The following STK3 variants were observed in gnomAD, a reference collection of about 807,000 sequenced individuals.
STK3 encodes serine/threonine kinase 3.
In STK3, 41 loss-of-function variants were observed where a neutral mutation model predicts 58.0. That is an observed-to-expected ratio of 0.71 (90% CI 0.55 to 0.92). The LOEUF (loss-of-function observed/expected upper bound fraction) is 0.92. Among genes scored for constraint, STK3 ranks in the 40% least tolerant of loss-of-function variants. STK3 has a pLI of 0.00. For synonymous variants in STK3, 170 were observed against 191.0 expected, an observed-to-expected ratio of 0.89 and a Z score of 0.91; for missense variants, 479 against 602.7, an observed-to-expected ratio of 0.79 and a Z score of 2.15.
chr8:98,936,855 G>A (rs1386614171), intron 1 of STK3, among the ~76,000 whole-genome samples: 1 of 152,236 alleles, frequency 6.6e-6, no homozygotes, highest in African/African-American at 2.4e-5. Context: ...ATTCCTGGAG[G>A]CAAGCCCACT....
rs758959006 is a variant in STK3, at chr8:98,691,553, T to C, written c.684+14914A>G. ...AGACAATAAACAGGCAGTAAAAAGT[T>C]AAAGGAGTAGGACACCTTCACCAGC... On this transcript the variant is annotated intron_variant, in intron 6 of 10. Transcript: ENST00000419617. 1.8e-4 allele frequency among the ~76,000 whole-genome samples: 28 copies of C among 152,166 alleles called. 1 individual carries two copies. The highest frequency in any genetic ancestry group is 3.2e-4 in the Non-Finnish European group (22 of 68,014).
downstream of STK3, among the ~76,000 whole-genome samples, chr8:98,397,527 C>A (rs933177379): frequency 6.6e-6 from 1 of 151,944 alleles, no homozygotes; most frequent in African/African-American, 2.4e-5. Flanking sequence ...CAGAGTGAGA[C>A]CTTGTCTCAA....
intron 4 of STK3, among the ~76,000 whole-genome samples, chr8:98,711,083 C>G (rs2131102737): frequency 6.6e-6 from 1 of 151,042 alleles, no homozygotes; most frequent in South Asian, 2.1e-4. Flanking sequence ...AGGGTCCTGA[C>G]AGAAGGAAAA....
At chr8:98,370,882 C>T (rs957799162), downstream of STK3, among the ~76,000 whole-genome samples, 1 of 152,156 alleles carries the variant, frequency 6.6e-6, no homozygotes, top group African/African-American at 2.4e-5. Context: ...GTCTCAGTTT[C>T]CTCACCTGAA....
chr8:98,929,493 C>A (rs1839931763), intron 1 of STK3, among the ~76,000 whole-genome samples: 1 of 152,036 alleles, frequency 6.6e-6, no homozygotes. Context: ...CCCATCTCTG[C>A]AAAAAAATTA....
intron 1 of STK3, among the ~76,000 whole-genome samples, chr8:98,448,895 A>G (rs1474473350): frequency 6.6e-6 from 1 of 152,156 alleles, no homozygotes; most frequent in East Asian, 1.9e-4. Flanking sequence ...TATAGAAAAC[A>G]TTAAGTAACT....
chr8:98,402,239 C>T (rs1197449952), intron 3 of STK3, among the ~76,000 whole-genome samples: 1 of 152,148 alleles, frequency 6.6e-6, no homozygotes. Context: ...TGAACCCAGA[C>T]CCACCCAGCC....
At chr8:98,690,463 A>C (rs894723968) in intron 6 of STK3, among the ~76,000 whole-genome samples, 5 of 151,788 alleles carry the variant, frequency 3.3e-5, no homozygotes, top group African/African-American at 7.3e-5. Context: ...AAAAAAAAAA[A>C]AACAACCTAG....
intron 1 of STK3, among the ~76,000 whole-genome samples, chr8:98,918,832 C>A (rs1224145340): frequency 6.6e-6 from 1 of 151,894 alleles, no homozygotes; most frequent in Non-Finnish European, 1.5e-5. Context: ...TAAGGTGTTA[C>A]TCTCCAATGT....
chr8:98,436,589 G>A (rs1410529959), intron 2 of STK3: 1 of 152,182 alleles, frequency 6.6e-6, no homozygotes, highest in Non-Finnish European at 1.5e-5. Flanking sequence ...CTGAGTAATT[G>A]CCAAGTACCA....
intron 3 of STK3, among the ~76,000 whole-genome samples, chr8:98,755,193 A>G (rs1240588980): frequency 5.3e-5 from 8 of 152,262 alleles, no homozygotes; most frequent in Non-Finnish European, 1.0e-4. Flanking sequence ...TTAAGCAACT[A>G]GAACTAAACA....
chr8:98,913,955 TATG>T (rs984360303), intron 1 of STK3, among the ~76,000 whole-genome samples: 1 of 152,194 alleles, frequency 6.6e-6, no homozygotes, highest in Non-Finnish European at 1.5e-5. Flanking sequence ...TTTAAGATTC[TATG>T]ATACTTTAGT....
At chr8:98,850,455 A>G (rs150150653) in intron 3 of STK3, among the ~76,000 whole-genome samples, 8 of 152,328 alleles carry the variant, frequency 5.3e-5, no homozygotes, top group Non-Finnish European at 1.0e-4. Flanking sequence ...AAATTACAAT[A>G]AGATGATATG....
chr8:98,705,138 A>G (rs1825876266), intron 6 of STK3, among the ~76,000 whole-genome samples: 1 of 152,216 alleles, frequency 6.6e-6, no homozygotes, highest in South Asian at 2.1e-4. Flanking sequence ...CATTACTCAA[A>G]GAACTCTAGG....
rs559387267 is a variant in STK3 at position 98,493,654 on chromosome 8, G to A, written c.1317+33088C>T. On this transcript the variant is annotated intron_variant, in intron 10 of 10. Coordinates refer to ENST00000419617, the MANE Select transcript of STK3 (RefSeq NM_006281.4). ...TCTAATATTATTCTCCCTCTATACTGATGACTTGAACTATACCAATTAAAA... is the reference window on the plus strand; with the variant it reads ...TCTAATATTATTCTCCCTCTATACTAATGACTTGAACTATACCAATTAAAA... Among the ~76,000 whole-genome samples, 59 of 152,148 alleles carry A rather than the reference G, an allele frequency of 3.9e-4. 1 individual carries two copies. The highest frequency in any genetic ancestry group is 1.4e-3 in the African/African-American group (59 of 41,496).
rs536862659 is a variant in STK3 at position 98,877,897 on chromosome 8, A to G, written c.110+5750T>C. Among the ~76,000 whole-genome samples, 122 of 152,310 alleles carry G rather than the reference A, an allele frequency of 8.0e-4. 2 individuals are homozygous for G. In the South Asian group the frequency reaches 0.012, roughly 15 times the overall value. ...TTTAAGACAATAATAAAATAAAAGAATTATAGAGATTGAGGAAACCTAAAA... is the reference window on the plus strand; with the variant it reads ...TTTAAGACAATAATAAAATAAAAGAGTTATAGAGATTGAGGAAACCTAAAA... On this transcript the variant is annotated intron_variant, in intron 3 of 12. Transcript: ENST00000523601.
At chr8:98,820,766 A>G (rs1778559430) in intron 1 of STK3, among the ~76,000 whole-genome samples, 1 of 151,874 alleles carries the variant, frequency 6.6e-6, no homozygotes, top group Admixed American at 6.5e-5. Flanking sequence ...TCACGAGGTC[A>G]TGAGATCGAG....
intron 10 of STK3, among the ~76,000 whole-genome samples, chr8:98,511,147 T>C (rs1824482376): frequency 6.6e-6 from 1 of 152,058 alleles, no homozygotes; most frequent in Admixed American, 6.6e-5. Flanking sequence ...TCTCATGTTC[T>C]GGAAAATTAA....
At chr8:98,376,634 T>A (rs1420068951) in intron 2 of STK3, among the ~76,000 whole-genome samples, 1 of 152,216 alleles carries the variant, frequency 6.6e-6, no homozygotes, top group East Asian at 1.9e-4. Context: ...CATATAGATA[T>A]CCAATTGTTC....
Sources: allele counts gnomAD v4.1 joint callset (sites outside exome capture counted in the v4.1 genomes callset), GRCh38; gene constraint gnomAD v4.1.1; transcripts MANE v1.5; gene names NCBI Gene and HGNC (gene_info 2026-07-23, HGNC 2026-07-21).